Variants in NSL1 observed in about 807,000 individuals in gnomAD.
The protein encoded by NSL1 is NSL1 component of MIS12 kinetochore complex, also known as kinetochore-associated protein NSL1 homolog.
In NSL1, 11 loss-of-function variants were observed where a neutral mutation model predicts 25.4. That is an observed-to-expected ratio of 0.43 (90% CI 0.27 to 0.72). NSL1 has a LOEUF of 0.72. NSL1 is among the 30% of genes least tolerant of loss of function. The pLI is 0.19. For synonymous variants in NSL1, 118 were observed against 120.6 expected (o/e 0.98, Z 0.14); for missense variants, 330 against 342.7 (o/e 0.96, Z 0.29).
intron 4 of NSL1, among the ~76,000 whole-genome samples, chr1:212,744,111 CT>C (rs1558041234): frequency 6.6e-6 from 1 of 152,160 alleles, no homozygotes; most frequent in Non-Finnish European, 1.5e-5. Flanking sequence ...AAACAAACTG[CT>C]TGCTGAAAAG....
intron 4 of NSL1, among the ~76,000 whole-genome samples, chr1:212,759,845 G>A (rs1263717237): frequency 1.3e-5 from 2 of 152,144 alleles, no homozygotes; most frequent in Non-Finnish European, 2.9e-5. Flanking sequence ...AGTGCACCAG[G>A]GAGGCTGCCC....
intron 4 of NSL1, among the ~76,000 whole-genome samples, chr1:212,763,167 A>G (rs1026024944): frequency 7.2e-5 from 11 of 152,122 alleles, no homozygotes; most frequent in African/African-American, 2.7e-4. Context: ...GGTGAGGCTC[A>G]TTGTTGCCCA....
intron 4 of NSL1, among the ~76,000 whole-genome samples, chr1:212,761,838 T>C (rs1659579626): frequency 6.6e-6 from 1 of 151,640 alleles, no homozygotes; most frequent in African/African-American, 2.4e-5. Context: ...ATGAATGAAA[T>C]AAAAAATACA....
chr1:212,746,703 G>A (rs1366143206), intron 4 of NSL1, among the ~76,000 whole-genome samples: 1 of 152,192 alleles, frequency 6.6e-6, no homozygotes, highest in Non-Finnish European at 1.5e-5. Flanking sequence ...CCATGCCAAA[G>A]GTAAGAAACT....
chr1:212,774,702 G>A (rs1470241121), intron 4 of NSL1, among the ~76,000 whole-genome samples: 5 of 152,194 alleles, frequency 3.3e-5, no homozygotes, highest in Non-Finnish European at 7.3e-5. Context: ...AGGGCATAAA[G>A]AACTGGAACC....
chr1:212,738,854 C>G (rs1159932137), intron 5 of NSL1, among the ~76,000 whole-genome samples, 168 bp from the exon 6 acceptor site: 1 of 151,982 alleles, frequency 6.6e-6, no homozygotes, highest in Non-Finnish European at 1.5e-5. Flanking sequence ...TCTCCACCTC[C>G]TGGGTTCAAG....
rs1485262257 is a variant in NSL1 at position 212,760,151 on chromosome 1, C to T, written c.500-20550G>A. On this transcript the variant is annotated intron_variant, in intron 4 of 5. Transcript: ENST00000366977. This position sits in a 1 kb window ranked among gnomAD's most constrained non-coding sequence, Gnocchi z 4.3. ...GCCAGCTGCTTCTGGGGCACACACA[C>T]ACACACACCATAAGGGAGCTTAACA... Among the ~76,000 whole-genome samples the T allele has an allele frequency of 2.0e-5, 3 of 152,004 alleles. No individual in the cohort carries two copies. The highest frequency in any genetic ancestry group is 4.8e-5 in the African/African-American group (2 of 41,392).
rs1238774267 is a variant in NSL1 at position 212,733,370 on chromosome 1, T to G, written c.*5038A>C. Among the ~76,000 whole-genome samples, 1 of 149,432 alleles carries G rather than the reference T, an allele frequency of 6.7e-6. No homozygotes were observed. Among genetic ancestry groups the G allele is most frequent in the East Asian group, 2.0e-4 (1 of 5,104 alleles). On this transcript the variant is annotated 3_prime_UTR_variant, in exon 6 of 6. Transcript: ENST00000366977. ...TGGCTTGAGTTGCGGGGGCAGAGGT[T>G]GCAGTAAGCCAAGATAGCACCACTG...
At chr1:212,761,329 C>A (rs918402171) in intron 4 of NSL1, among the ~76,000 whole-genome samples, 5 of 152,190 alleles carry the variant, frequency 3.3e-5, no homozygotes, top group African/African-American at 9.7e-5. Flanking sequence ...GTGTGTGCAT[C>A]ACCTGAACCT....
At chr1:212,767,402 C>T (rs1197142514) in intron 4 of NSL1, among the ~76,000 whole-genome samples, 4 of 151,536 alleles carry the variant, frequency 2.6e-5, no homozygotes, top group African/African-American at 9.7e-5. Context: ...CATCTCTCAC[C>T]TTATACAAAA....
At chr1:212,771,611 CAAA>C (rs57899487) in intron 4 of NSL1, among the ~76,000 whole-genome samples, 1 of 63,900 alleles carries the variant, frequency 1.6e-5, no homozygotes, top group Non-Finnish European at 3.4e-5. Flanking sequence ...AAGACTCCAC[CAAA>C]AAAAAAAAAA....
At chr1:212,786,605 C>T (rs1167976483) in intron 2 of NSL1, among the ~76,000 whole-genome samples, 3 of 152,126 alleles carry the variant, frequency 2.0e-5, no homozygotes, top group African/African-American at 7.2e-5. Flanking sequence ...TTTGAGAGTT[C>T]GAGACCAGCC....
At chr1:212,763,820 A>T (rs1659677624) in intron 4 of NSL1, among the ~76,000 whole-genome samples, 1 of 152,208 alleles carries the variant, frequency 6.6e-6, no homozygotes, top group African/African-American at 2.4e-5. Flanking sequence ...ACTGGCAACA[A>T]CACAATAATA....
At chr1:212,777,606 A>G (rs965596926) in intron 4 of NSL1, among the ~76,000 whole-genome samples, 1 of 152,224 alleles carries the variant, frequency 6.6e-6, no homozygotes, top group African/African-American at 2.4e-5. Context: ...TTGTTTATGG[A>G]TATGTATCTA....
Position 212,739,586 on chromosome 1 carries a change from T to TG in NSL1, c.514_515insC (p.Asn172ThrfsTer15). 1 of 1,613,510 alleles carries TG rather than the reference T, an allele frequency of 6.2e-7. No homozygotes were observed. Among genetic ancestry groups the TG allele is most frequent in the Non-Finnish European group, 8.5e-7 (1 of 1,179,672 alleles). ...TACTGTTTCCCCTCTGCATTTCAAATTTTCCATATGAGGGGCTGCAAAAAC... is the reference window on the plus strand; with the variant it reads ...TACTGTTTCCCCTCTGCATTTCAAATGTTTCCATATGAGGGGCTGCAAAAAC... On this transcript the variant is annotated frameshift_variant, in exon 5 of 6. Transcript: ENST00000366977. LOFTEE classifies it high-confidence loss of function.
chr1:212,736,210 G>T lies in NSL1; in HGVS notation c.*2198C>A. On this transcript the variant is annotated 3_prime_UTR_variant, in exon 6 of 6. Transcript: ENST00000366977. ...GTGCCATCACACCCTGCTAATTTTT[G>T]TATTTTTTGTAGAAATGGAGTTTCA... is the stretch of plus-strand genomic sequence containing the variant. 2 of 636,676 alleles carry T rather than the reference G, an allele frequency of 3.1e-6. No homozygotes were observed. The highest frequency in any genetic ancestry group is 3.9e-6 in the Non-Finnish European group (2 of 511,552). The allele number at this position is 636,676 out of a possible 1,614,324, so 39.4% of individuals were successfully genotyped here. A position where few individuals can be genotyped will look rare whatever the true frequency, so the allele number is the denominator to read the frequency against.
rs761826021 is a variant in NSL1 at position 212,760,347 on chromosome 1, C to A, written c.500-20746G>T. ...TGTCTGAGAGCGCCATCTAGGGGCC[C>A]AGGAATAGCCTCATTCTGTCTGTTG... is the stretch of plus-strand genomic sequence containing the variant. On this transcript the variant is annotated intron_variant, in intron 4 of 5. Transcript: ENST00000366977. The surrounding 1 kb of genome is among the most constrained non-coding windows in gnomAD (Gnocchi z 4.3). 6.6e-6 allele frequency among the ~76,000 whole-genome samples: 1 copy of A among 152,114 alleles called. No individual in the cohort carries two copies. The highest frequency in any genetic ancestry group is 6.6e-5 in the Admixed American group (1 of 15,262).
intron 4 of NSL1, among the ~76,000 whole-genome samples, chr1:212,771,824 G>C (rs554859973): frequency 6.6e-6 from 1 of 152,022 alleles, no homozygotes; most frequent in African/African-American, 2.4e-5. Flanking sequence ...ACCTCTATAA[G>C]GAAAACTACA....
Position 212,729,071 on chromosome 1 carries a change from T to C in NSL1, c.*9337A>G. ...ACTTGGGTTGGGCTTACAAGAAAAA[T>C]AAATTGCAGTAAGTGTTAAAACTTG... On this transcript the variant is annotated 3_prime_UTR_variant, in exon 6 of 6. Coordinates refer to ENST00000366977, the MANE Select transcript of NSL1 (RefSeq NM_015471.4). 1 of 985,414 alleles carries C rather than the reference T, an allele frequency of 1.0e-6. No homozygotes were observed. The highest frequency in any genetic ancestry group is 1.2e-6 in the Non-Finnish European group (1 of 829,908). The allele number at this position is 985,414 out of a possible 1,614,324, so 61.0% of individuals were successfully genotyped here. A position where few individuals can be genotyped will look rare whatever the true frequency, so the allele number is the denominator to read the frequency against.
Sources: allele counts gnomAD v4.1 joint callset (sites outside exome capture counted in the v4.1 genomes callset), GRCh38; gene constraint gnomAD v4.1.1; non-coding constraint Gnocchi (gnomAD v3.1); transcripts MANE v1.5; gene names NCBI Gene and HGNC (gene_info 2026-07-23, HGNC 2026-07-21).